Variants in BACH2 observed in about 807,000 individuals in gnomAD.
The protein encoded by BACH2 is BACH transcriptional regulator 2, also known as transcription regulator protein BACH2.
In BACH2, 5 loss-of-function variants were observed where a neutral mutation model predicts 61.8. That is an observed-to-expected ratio of 0.08 (90% confidence interval 0.04 to 0.17). The LOEUF is 0.17. BACH2 is among the 10% of genes least tolerant of loss of function. BACH2 has a pLI of 1.00. For synonymous variants in BACH2, 446 were observed against 440.1 expected (o/e 1.01, Z -0.17); for missense variants, 824 against 1,091.1 (o/e 0.76, Z 3.45).
At chr6:90,094,464 T>G (rs551871735) in intron 4 of BACH2, among the ~76,000 whole-genome samples, 2 of 152,214 alleles carry the variant, frequency 1.3e-5, no homozygotes, top group Admixed American at 6.5e-5. Context: ...ATTTCCAGTG[T>G]TGCTCTCAAT....
At chr6:90,164,467 T>C (rs113296722) in intron 4 of BACH2, among the ~76,000 whole-genome samples, 143,885 of 150,844 alleles carry the variant, frequency 0.95, 68,672 homozygotes, top group African/African-American at 0.98. Flanking sequence ...GATTCACAGC[T>C]GAATTCTACC....
At chr6:90,032,901 T>C (rs1338580809) in intron 5 of BACH2, among the ~76,000 whole-genome samples, 1 of 152,168 alleles carries the variant, frequency 6.6e-6, no homozygotes, top group Non-Finnish European at 1.5e-5. Flanking sequence ...TTAAGACACA[T>C]GCACATGTAT....
intron 6 of BACH2, among the ~76,000 whole-genome samples, chr6:90,005,785 CA>C (rs1777373812): frequency 1.3e-5 from 2 of 152,008 alleles, no homozygotes; most frequent in South Asian, 4.1e-4. Context: ...ATTTGCGTTT[CA>C]TAAGAAAAAA....
intron 4 of BACH2, among the ~76,000 whole-genome samples, chr6:90,101,853 G>T (rs541488120): frequency 4.5e-4 from 68 of 151,778 alleles, no homozygotes; most frequent in Non-Finnish European, 7.8e-4. Flanking sequence ...GTAATTTTCA[G>T]TGTTCAAGTC....
intron 4 of BACH2, among the ~76,000 whole-genome samples, chr6:90,175,915 A>ACTT (rs1767970172): frequency 6.6e-6 from 1 of 151,840 alleles, no homozygotes; most frequent in Non-Finnish European, 1.5e-5. Context: ...GCAAGCAGGG[A>ACTT]CCACCCAGAA....
intron 4 of BACH2, among the ~76,000 whole-genome samples, chr6:90,192,299 C>T (rs1171311818): frequency 1.3e-5 from 2 of 150,296 alleles, no homozygotes; most frequent in African/African-American, 2.4e-5. Flanking sequence ...AATTTTTTCT[C>T]GATTCCTTTT....
chr6:90,013,399 C>G (rs1386354307), intron 5 of BACH2, among the ~76,000 whole-genome samples: 1 of 152,076 alleles, frequency 6.6e-6, no homozygotes, highest in Non-Finnish European at 1.5e-5. Context: ...GCTATAGATG[C>G]TTCATAGGTG....
chr6:90,085,094 C>A (rs1162888933), intron 5 of BACH2, among the ~76,000 whole-genome samples: 5 of 152,112 alleles, frequency 3.3e-5, no homozygotes. Flanking sequence ...CCTGTGTGTT[C>A]CTCACAGGAC....
At chr6:89,955,452 C>T (rs1191579151) in intron 6 of BACH2, among the ~76,000 whole-genome samples, 1 of 152,174 alleles carries the variant, frequency 6.6e-6, no homozygotes, top group East Asian at 1.9e-4. Flanking sequence ...AGGGGACTAG[C>T]AAGGGGGCCC....
chr6:89,942,862 C>T (rs541427950), intron 7 of BACH2, among the ~76,000 whole-genome samples: 31 of 152,296 alleles, frequency 2.0e-4, no homozygotes, highest in South Asian at 8.3e-4. Context: ...TTGACTCTTC[C>T]CCCTCTGGAA....
chr6:90,118,678 A>T (rs1783501375), intron 4 of BACH2, among the ~76,000 whole-genome samples: 1 of 152,226 alleles, frequency 6.6e-6, no homozygotes, highest in Non-Finnish European at 1.5e-5. Context: ...AAAGACCAAG[A>T]TGCGCTCTTA....
intron 5 of BACH2, among the ~76,000 whole-genome samples, chr6:90,032,984 T>G (rs1417194471): frequency 6.6e-6 from 1 of 152,050 alleles, no homozygotes; most frequent in East Asian, 1.9e-4. Context: ...TAGACTGGAT[T>G]AAGAAAATGT....
intron 3 of BACH2, among the ~76,000 whole-genome samples, chr6:90,240,590 C>G (rs1770417635): frequency 6.6e-6 from 1 of 152,130 alleles, no homozygotes; most frequent in South Asian, 2.1e-4. Context: ...AACTACAAAG[C>G]AAATAAGAGG....
intron 6 of BACH2, among the ~76,000 whole-genome samples, chr6:89,996,333 G>A (rs1456558459): frequency 6.6e-6 from 1 of 152,102 alleles, no homozygotes; most frequent in African/African-American, 2.4e-5. Flanking sequence ...TGTCTGTGGT[G>A]GGTTGTTGTT....
At chr6:89,993,625 A>G (rs1776694951) in intron 6 of BACH2, among the ~76,000 whole-genome samples, 1 of 152,046 alleles carries the variant, frequency 6.6e-6, no homozygotes, top group African/African-American at 2.4e-5. Context: ...TCACACACCA[A>G]TTAAGTTGTC....
At chr6:89,938,009 G>A in intron 8 of BACH2, 135 bp downstream of exon 8, 2 of 794,000 alleles carry the variant, frequency 2.5e-6, no homozygotes, top group Non-Finnish European at 4.1e-6. Context: ...TTTCTGTTGA[G>A]AAACTTCTTA....
chr6:90,280,213 AC>A (rs1171578878), intron 1 of BACH2, among the ~76,000 whole-genome samples: 1 of 152,186 alleles, frequency 6.6e-6, no homozygotes, highest in Non-Finnish European at 1.5e-5. Flanking sequence ...GGTATTCAGA[AC>A]CCTAATCTGC....
chr6:90,133,701 C>T (rs1784178283), intron 4 of BACH2, among the ~76,000 whole-genome samples: 1 of 152,080 alleles, frequency 6.6e-6, no homozygotes, highest in Non-Finnish European at 1.5e-5. Context: ...CTCCCCACAC[C>T]CCACAACAGG....
intron 4 of BACH2, among the ~76,000 whole-genome samples, chr6:90,153,870 T>C (rs1784905245): frequency 6.6e-6 from 1 of 152,228 alleles, no homozygotes; most frequent in South Asian, 2.1e-4. Context: ...GAAAAAATCA[T>C]GGTGCAGACT....
Sources: allele counts gnomAD v4.1 joint callset (sites outside exome capture counted in the v4.1 genomes callset), GRCh38; gene constraint gnomAD v4.1.1; transcripts MANE v1.5; gene names NCBI Gene and HGNC (gene_info 2026-07-23, HGNC 2026-07-21).